The following GLUD2 variants were observed in gnomAD, a reference collection of about 807,000 sequenced individuals.
GLUD2 encodes glutamate dehydrogenase 2, mitochondrial.
GLUD2 carries 11 observed loss-of-function variants against 16.2 expected under a neutral mutation model. The ratio of observed to expected loss-of-function variants is 0.68; its 90% confidence interval spans 0.43 to 1.13. The LOEUF is 1.13. Among genes scored for constraint, GLUD2 ranks in the 50% most tolerant of loss-of-function variants. GLUD2 has a pLI of 0.00. For synonymous variants in GLUD2, 147 were observed against 181.9 expected, an observed-to-expected ratio of 0.81 and a Z score of 1.55; for missense variants, 360 against 456.4, an observed-to-expected ratio of 0.79 and a Z score of 1.93.
rs766517167 is a variant in GLUD2 at position 121,047,797 on chromosome X, C to A, written c.113C>A (p.Ala38Asp). 21 of 1,202,645 alleles carry A rather than the reference C, an allele frequency of 1.7e-5. No individual in the cohort carries two copies. Among genetic ancestry groups the A allele is most frequent in the Non-Finnish European group, 2.2e-5 (20 of 892,134 alleles). The change falls in exon 1 of 1, where the codon GCC becomes GAC. Residue 38 changes from alanine to aspartate, a missense_variant. This residue lies in a region of GLUD2 where 58 missense variants were observed against 49.9 expected (regional missense o/e 1.16). Transcript: ENST00000328078. Reference protein sequence around the residue: ...ALLGRGRGQPAAASQPGLALA... With the variant: ...ALLGRGRGQPDAASQPGLALA... ...CTGGGCCGGGGCCGCGGACAGCCCGCCGCCGCCTCGCAGCCGGGGCTCGCA... is the reference window on the plus strand; with the variant it reads ...CTGGGCCGGGGCCGCGGACAGCCCGACGCCGCCTCGCAGCCGGGGCTCGCA...
rs745572666 is a variant in GLUD2 at position 121,047,828 on chromosome X, C to G, written c.144C>G (p.Ala48=). The change falls in exon 1 of 1, where the codon GCC becomes GCG. Residue 48 remains alanine, a synonymous_variant. Coordinates refer to ENST00000328078, the MANE Select transcript of GLUD2 (RefSeq NM_012084.4). ...AAASQPGLAL[A]ARRHYSELVA... Reference sequence around the variant, plus strand: ...CCTCGCAGCCGGGGCTCGCATTGGCCGCCCGGCGCCACTACAGCGAGTTGG... The same window carrying G: ...CCTCGCAGCCGGGGCTCGCATTGGCGGCCCGGCGCCACTACAGCGAGTTGG... The G allele has an allele frequency of 1.2e-5, 14 of 1,207,567 alleles. No homozygotes were observed. In the South Asian group the frequency reaches 2.3e-4, roughly 20 times the overall value.
At position 121,049,877 on chromosome X, in the gene GLUD2, G is replaced by T; in HGVS notation, c.*516G>T. On this transcript the variant is annotated 3_prime_UTR_variant, in exon 1 of 1. Coordinates refer to ENST00000328078, the MANE Select transcript of GLUD2 (RefSeq NM_012084.4). ...AAATATAAAAGCTGTTTCTGTTTAT[G>T]AATTTTATTCTTTTAGAATAGAATA... The T allele has an allele frequency of 7.3e-6, 1 of 136,980 alleles. No individual in the cohort carries two copies. Among genetic ancestry groups the T allele is most frequent in the Non-Finnish European group, 1.6e-5 (1 of 60,640 alleles). The allele number at this position is 136,980 out of a possible 1,213,427, so 11.3% of individuals were successfully genotyped here. A position where few individuals can be genotyped will look rare whatever the true frequency, so the allele number is the denominator to read the frequency against.
rs772398987 is a variant in GLUD2 at position 121,048,049 on chromosome X, T to A, written c.365T>A (p.Ile122Asn). 8.3e-7 allele frequency: 1 copy of A among 1,209,701 alleles called. No individual in the cohort carries two copies. Among genetic ancestry groups the A allele is most frequent in the Non-Finnish European group, 1.1e-6 (1 of 895,094 alleles). The stretch of plus-strand genomic sequence containing the variant: ...CATGTGCTGAGTCTCTCCTTCCCCA[T>A]CCGGCGCGACGACGGCTCCTGGGAG... ...CNHVLSLSFP[I>N]RRDDGSWEVI... Residue 122 changes from isoleucine (I) to asparagine (N), a missense_variant, in exon 1 of 1, where the codon ATC becomes AAC. Coordinates refer to ENST00000328078, the MANE Select transcript of GLUD2 (RefSeq NM_012084.4).
In GLUD2 at chrX:121,048,264, A is replaced by C. The variant is rs1316198242; in HGVS notation, c.580A>C (p.Thr194Pro). ...TGTTAAGATCAATCCCAAGAACTAT[A>C]CCGAAAATGAATTGGAAAAGATCAC... The part of the protein sequence containing the change: ...AGVKINPKNY[T>P]ENELEKITRR... The change falls in exon 1 of 1, where the codon ACC (threonine) becomes CCC (proline). Residue 194 changes from threonine (T) to proline (P), a missense_variant. By Grantham distance (38) the Thr-to-Pro change is conservative. Around this residue, in one of 3 missense-constraint regions of GLUD2, gnomAD observed 279 missense variants for 352.9 expected, o/e 0.79. Transcript: ENST00000328078. 8.3e-7 allele frequency: 1 copy of C among 1,211,469 alleles called. No homozygotes were observed. The highest frequency in any genetic ancestry group is 1.1e-6 in the Non-Finnish European group (1 of 895,326).
In GLUD2 at chrX:121,049,582, T is replaced by C; in HGVS notation, c.*221T>C. The C allele has an allele frequency of 4.4e-6, 2 of 456,432 alleles. No homozygotes were observed. The highest frequency in any genetic ancestry group is 7.8e-6 in the Non-Finnish European group (2 of 256,725). 37.6% of individuals were successfully genotyped at this position (456,432 alleles called of 1,213,427 possible). ...CACCTACACCAGAGAGCTATTTTGG[T>C]ATTTTGCCTTTAAATAAAAAGCCTC... On this transcript the variant is annotated 3_prime_UTR_variant, in exon 1 of 1. Transcript: ENST00000328078.
rs1414036642 is a variant in GLUD2, at chrX:121,047,700, G to A, written c.16G>A (p.Ala6Thr). ...GCCTGCCGCGATGTACCGCTACCTG[G>A]CCAAAGCGCTGCTGCCGTCCCGGGC... is the stretch of plus-strand genomic sequence containing the variant. Reference protein sequence around the residue: MYRYLAKALLPSRAGP... With the variant: MYRYLTKALLPSRAGP... The change falls in exon 1 of 1, where the codon GCC (alanine) becomes ACC (threonine). Residue 6 changes from alanine (A) to threonine (T), a missense_variant. Around this residue, in one of 3 missense-constraint regions of GLUD2, gnomAD observed 58 missense variants for 49.9 expected, o/e 1.16. Transcript: ENST00000328078. 9.1e-7 allele frequency: 1 copy of A among 1,096,026 alleles called. No individual in the cohort carries two copies. The highest frequency in any genetic ancestry group is 1.2e-6 in the Non-Finnish European group (1 of 835,529). 90.3% of individuals were successfully genotyped at this position (1,096,026 alleles called of 1,213,427 possible). A position where few individuals can be genotyped will look rare whatever the true frequency, so the allele number is the denominator to read the frequency against.
rs1161125611 is a variant in GLUD2, at chrX:121,049,490, A to G, written c.*129A>G. 6.2e-6 allele frequency: 4 copies of G among 642,348 alleles called. No homozygotes were observed. The East Asian group carries it at 1.3e-4, about 21-fold the overall frequency. The allele number at this position is 642,348 out of a possible 1,213,427, so 52.9% of individuals were successfully genotyped here. A position where few individuals can be genotyped will look rare whatever the true frequency, so the allele number is the denominator to read the frequency against. On this transcript the variant is annotated 3_prime_UTR_variant, in exon 1 of 1. Coordinates refer to ENST00000328078, the MANE Select transcript of GLUD2 (RefSeq NM_012084.4). ...TTACTAATGGATACCATTCTCAACA[A>G]GTCAATCCAAATCAGCCCGTTAAGG...
In GLUD2 at chrX:121,048,927, A is replaced by G; in HGVS notation, c.1243A>G (p.Lys415Glu). The change falls in exon 1 of 1, where the codon AAG becomes GAG. Residue 415 changes from lysine to glutamate, a missense_variant. Around this residue, in one of 3 missense-constraint regions of GLUD2, gnomAD observed 279 missense variants for 352.9 expected, o/e 0.79. Transcript: ENST00000328078. ...TGGGCCAACAACTCCAGAAGCTGAT[A>G]AGATCTTCCTGGAGAGAAACATTTT... ...ANGPTTPEAD[K>E]IFLERNILVI... The G allele has an allele frequency of 6.6e-6, 8 of 1,211,808 alleles. No homozygotes were observed. Among genetic ancestry groups the G allele is most frequent in the Non-Finnish European group, 6.7e-6 (6 of 895,362 alleles).
At position 121,048,115 on chromosome X, in the gene GLUD2, C is replaced by G; in HGVS notation, c.431C>G (p.Thr144Arg). ...GYRAQHSQHRTPCKGGIRYST... is the reference protein window; with the variant it reads ...GYRAQHSQHRRPCKGGIRYST... ...CGGGCCCAGCACAGCCAGCACCGCACGCCCTGCAAGGGAGGTATCCGTTAC... is the reference window on the plus strand; with the variant it reads ...CGGGCCCAGCACAGCCAGCACCGCAGGCCCTGCAAGGGAGGTATCCGTTAC... Residue 144 changes from threonine (T) to arginine (R), a missense_variant, in exon 1 of 1, where the codon ACG becomes AGG. Around this residue, in one of 3 missense-constraint regions of GLUD2, gnomAD observed 279 missense variants for 352.9 expected, o/e 0.79. Transcript: ENST00000328078. The G allele has an allele frequency of 8.3e-7, 1 of 1,211,793 alleles. No individual in the cohort carries two copies. Among genetic ancestry groups the G allele is most frequent in the Non-Finnish European group, 1.1e-6 (1 of 895,544 alleles).
rs1247817972 is a variant in GLUD2, at chrX:121,047,817, C to T, written c.133C>T (p.Leu45Phe). 8.3e-7 allele frequency: 1 copy of T among 1,208,577 alleles called. No individual in the cohort carries two copies. Residue 45 changes from leucine (L) to phenylalanine (F), a missense_variant, in exon 1 of 1, where the codon CTC becomes TTC. Physicochemically the swap from Leu to Phe is conservative, Grantham distance 22. Coordinates refer to ENST00000328078, the MANE Select transcript of GLUD2 (RefSeq NM_012084.4). ...GCCCGCCGCCGCCTCGCAGCCGGGG[C>T]TCGCATTGGCCGCCCGGCGCCACTA... ...GQPAAASQPG[L>F]ALAARRHYSE...
rs751308697 is a variant in GLUD2 at position 121,047,924 on chromosome X, C to G, written c.240C>G (p.Ile80Met). 1 of 1,211,371 alleles carries G rather than the reference C, an allele frequency of 8.3e-7. No individual in the cohort carries two copies. The highest frequency in any genetic ancestry group is 1.1e-6 in the Non-Finnish European group (1 of 895,552). Residue 80 changes from isoleucine (I) to methionine (M), a missense_variant, in exon 1 of 1, where the codon ATC becomes ATG. Around this residue, in one of 3 missense-constraint regions of GLUD2, gnomAD observed 23 missense variants for 53.7 expected, o/e 0.43. Coordinates refer to ENST00000328078, the MANE Select transcript of GLUD2 (RefSeq NM_012084.4). ...VEGFFDRGASIVEDKLVKDLR... is the reference protein window; with the variant it reads ...VEGFFDRGASMVEDKLVKDLR... ...GCTTCTTCGATCGCGGCGCCAGCATCGTGGAGGACAAGTTGGTGAAGGACC... is the reference window on the plus strand; with the variant it reads ...GCTTCTTCGATCGCGGCGCCAGCATGGTGGAGGACAAGTTGGTGAAGGACC...
Position 121,048,857 on chromosome X carries a change from C to T in GLUD2, c.1173C>T (p.Ser391=), listed in dbSNP as rs745861784. The T allele has an allele frequency of 6.6e-6, 8 of 1,211,586 alleles. No individual in the cohort carries two copies. The South Asian group carries it at 1.4e-4, about 21-fold the overall frequency. ...CCACTGAGAAGCAGTTGACCAAATC[C>T]AACGCACCCAGAGTCAAAGCCAAGA... The part of the protein sequence containing the change: ...PAATEKQLTK[S]NAPRVKAKII... The change falls in exon 1 of 1, where the codon TCC becomes TCT. Residue 391 remains serine (S), a synonymous_variant. Transcript: ENST00000328078.
chrX:121,049,220 C>A lies in GLUD2; in HGVS notation c.1536C>A (p.Tyr512Ter), dbSNP rs1925446746. Residue 512 changes from tyrosine to a stop codon, truncating the protein, a stop_gained, in exon 1 of 1, where the codon TAC (tyrosine) becomes TAA (stop). Transcript: ENST00000328078. LOFTEE classifies it high-confidence loss of function. Reference sequence around the variant, plus strand: ...ACATTGTGCACTCTGCCTTGGCATACACAATGGAGCGTTCTGCCAGGCAAA... The same window carrying A: ...ACATTGTGCACTCTGCCTTGGCATAAACAATGGAGCGTTCTGCCAGGCAAA... Reference protein sequence around the residue: ...EKDIVHSALAYTMERSARQIM... With the variant: ...EKDIVHSALA 1 of 1,211,315 alleles carries A rather than the reference C, an allele frequency of 8.3e-7. No individual in the cohort carries two copies. Among genetic ancestry groups the A allele is most frequent in the East Asian group, 3.0e-5 (1 of 33,842 alleles).
chrX:121,047,667 C>A lies in GLUD2; in HGVS notation c.-18C>A. The A allele has an allele frequency of 9.7e-7, 1 of 1,031,252 alleles. No homozygotes were observed. Among genetic ancestry groups the A allele is most frequent in the Non-Finnish European group, 1.3e-6 (1 of 794,379 alleles). 85.0% of individuals were successfully genotyped at this position (1,031,252 alleles called of 1,213,427 possible). A position where few individuals can be genotyped will look rare whatever the true frequency, so the allele number is the denominator to read the frequency against. On this transcript the variant is annotated 5_prime_UTR_variant, in exon 1 of 1. Coordinates refer to ENST00000328078, the MANE Select transcript of GLUD2 (RefSeq NM_012084.4). ...ACCTGTTCCGCGACCGTCACGCACC[C>A]CTCCTCCGCCTGCCGCGATGTACCG...
At position 121,048,223 on chromosome X, in the gene GLUD2, G is replaced by C; in HGVS notation, c.539G>C (p.Gly180Ala). 3.3e-6 allele frequency: 4 copies of C among 1,211,882 alleles called. No homozygotes were observed. The highest frequency in any genetic ancestry group is 4.5e-6 in the Non-Finnish European group (4 of 895,547). Reference protein sequence around the residue: ...YKCAVVDVPFGGAKAGVKINP... With the variant: ...YKCAVVDVPFAGAKAGVKINP... ...TGTGCAGTGGTTGATGTGCCGTTTG[G>C]GGGTGCTAAAGCTGGTGTTAAGATC... Residue 180 changes from glycine to alanine, a missense_variant, in exon 1 of 1, where the codon GGG (glycine) becomes GCG (alanine). Physicochemically the swap from Gly to Ala is moderately conservative, Grantham distance 60. Around this residue, in one of 3 missense-constraint regions of GLUD2, gnomAD observed 279 missense variants for 352.9 expected, o/e 0.79. Coordinates refer to ENST00000328078, the MANE Select transcript of GLUD2 (RefSeq NM_012084.4).
In GLUD2 at chrX:121,048,230, T is replaced by A. The variant is rs1163989141; in HGVS notation, c.546T>A (p.Ala182=). The A allele has an allele frequency of 8.3e-7, 1 of 1,211,830 alleles. No homozygotes were observed. The highest frequency in any genetic ancestry group is 1.8e-5 in the South Asian group (1 of 56,963). ...CAVVDVPFGG[A]KAGVKINPKN... is the part of the protein sequence containing the mutation. The stretch of plus-strand genomic sequence containing the variant: ...TGGTTGATGTGCCGTTTGGGGGTGC[T>A]AAAGCTGGTGTTAAGATCAATCCCA... Residue 182 remains alanine (A), a synonymous_variant, in exon 1 of 1, where the codon GCT becomes GCA. Coordinates refer to ENST00000328078, the MANE Select transcript of GLUD2 (RefSeq NM_012084.4).
chrX:121,049,143 A>T lies in GLUD2; in HGVS notation c.1459A>T (p.Ile487Phe). Residue 487 changes from isoleucine (I) to phenylalanine (F), a missense_variant, in exon 1 of 1, where the codon ATT becomes TTT. Physicochemically the swap from Ile to Phe is conservative, Grantham distance 21 (BLOSUM62 0). This residue lies in a region of GLUD2 where 279 missense variants were observed against 352.9 expected (regional missense o/e 0.79). Coordinates refer to ENST00000328078, the MANE Select transcript of GLUD2 (RefSeq NM_012084.4). ...TGGAAAGCATGGTGGAACTATTCCC[A>T]TTGTACCCACGGCAGAGTTCCAAGA... ...KFGKHGGTIPIVPTAEFQDSI... is the reference protein window; with the variant it reads ...KFGKHGGTIPFVPTAEFQDSI... 8.3e-7 allele frequency: 1 copy of T among 1,211,919 alleles called. No homozygotes were observed. Among genetic ancestry groups the T allele is most frequent in the South Asian group, 1.8e-5 (1 of 57,003 alleles).
chrX:121,049,953 C>G lies in GLUD2; in HGVS notation c.*592C>G. 8.1e-6 allele frequency: 1 copy of G among 123,924 alleles called. No individual in the cohort carries two copies. The allele number at this position is 123,924 out of a possible 1,213,427, so 10.2% of individuals were successfully genotyped here. On this transcript the variant is annotated 3_prime_UTR_variant, in exon 1 of 1. Coordinates refer to ENST00000328078, the MANE Select transcript of GLUD2 (RefSeq NM_012084.4). Reference sequence around the variant, plus strand: ...CCTTTAATCACTTAACAAGCCTAACCTTGACTCAGTGAATGCCTATAAAAA... The same window carrying G: ...CCTTTAATCACTTAACAAGCCTAACGTTGACTCAGTGAATGCCTATAAAAA...
rs752645214 is a variant in GLUD2 at position 121,047,802 on chromosome X, G to A, written c.118G>A (p.Ala40Thr). Residue 40 changes from alanine (A) to threonine (T), a missense_variant, in exon 1 of 1, where the codon GCC (alanine) becomes ACC (threonine). By Grantham distance (58) the Ala-to-Thr change is moderately conservative (BLOSUM62 0). Transcript: ENST00000328078. ...LGRGRGQPAA[A>T]SQPGLALAAR... ...CCGGGGCCGCGGACAGCCCGCCGCC[G>A]CCTCGCAGCCGGGGCTCGCATTGGC... 1.2e-5 allele frequency: 15 copies of A among 1,204,660 alleles called. No individual in the cohort carries two copies. Among genetic ancestry groups the A allele is most frequent in the Non-Finnish European group, 1.7e-5 (15 of 893,135 alleles).
Sources: gnomAD v4.1 joint callset for allele counts on GRCh38, gnomAD v4.1.1 for gene constraint, gnomAD v4.1.1 regional missense constraint, MANE v1.5 for transcripts, NCBI Gene and HGNC (gene_info 2026-07-23, HGNC 2026-07-21) for gene names.